DSE: variants seen among roughly 807,000 people sequenced by gnomAD.
The protein encoded by DSE is dermatan-sulfate epimerase.
In DSE, 36 loss-of-function variants were observed where a neutral mutation model predicts 84.4. The observed-to-expected ratio is 0.43, with a 90% CI of 0.33 to 0.56. The LOEUF (loss-of-function observed/expected upper bound fraction) is 0.56. DSE is among the 20% of genes least tolerant of loss of function. DSE has a pLI of 0.06. For synonymous variants in DSE, 410 were observed against 430.1 expected, an observed-to-expected ratio of 0.95 and a Z score of 0.58; for missense variants, 862 against 1,169.6, an observed-to-expected ratio of 0.74 and a Z score of 3.84.
At chr6:116,279,948 G>T in intron 2 of DSE, 1 of 1,468,106 alleles carries the variant, frequency 6.8e-7, no homozygotes, top group Non-Finnish European at 9.5e-7. Flanking sequence ...CAGCGGCGGT[G>T]TCGTCAGGAC....
intron 2 of DSE, among the ~76,000 whole-genome samples, chr6:116,409,327 A>G (rs1782151505): frequency 6.6e-6 from 1 of 152,044 alleles, no homozygotes; most frequent in Admixed American, 6.5e-5. Context: ...CCCAGGCTGG[A>G]GTGCAGTGGT....
intron 2 of DSE, among the ~76,000 whole-genome samples, chr6:116,314,761 T>C (rs1775871646): frequency 6.6e-6 from 1 of 152,222 alleles, no homozygotes; most frequent in South Asian, 2.1e-4. Flanking sequence ...TTATTCATGA[T>C]ATAAGTGGAG....
At chr6:116,385,509 T>G (rs1583145838) in intron 1 of DSE, among the ~76,000 whole-genome samples, 1 of 144,254 alleles carries the variant, frequency 6.9e-6, no homozygotes, top group African/African-American at 2.6e-5. Flanking sequence ...ATATGGAGAG[T>G]GAAATAGGGA....
chr6:116,339,954 A>G (rs148744313), intron 2 of DSE, among the ~76,000 whole-genome samples: 302 of 152,324 alleles, frequency 2.0e-3, no homozygotes, highest in African/African-American at 7.0e-3. Context: ...TGGAATTTCT[A>G]TATGCGAGTG....
chr6:116,414,210 A>G (rs564623944), intron 2 of DSE, among the ~76,000 whole-genome samples: 1 of 152,324 alleles, frequency 6.6e-6, no homozygotes, highest in East Asian at 1.9e-4. Context: ...AATAGGCTTC[A>G]TTCCTTCTGG....
chr6:116,342,034 T>C (rs1777626956), intron 2 of DSE, among the ~76,000 whole-genome samples: 1 of 152,182 alleles, frequency 6.6e-6, no homozygotes, highest in Non-Finnish European at 1.5e-5. Context: ...GTTATTTGAA[T>C]GAAATAGAGT....
chr6:116,266,995 G>A (rs541489113), intron 2 of DSE, among the ~76,000 whole-genome samples: 1 of 152,296 alleles, frequency 6.6e-6, no homozygotes, highest in Non-Finnish European at 1.5e-5. Context: ...GAGTAATGCT[G>A]TAGCCCTCAT....
intron 2 of DSE, among the ~76,000 whole-genome samples, chr6:116,259,560 G>A (rs771106297): frequency 5.3e-5 from 8 of 152,114 alleles, no homozygotes; most frequent in South Asian, 2.1e-4. Context: ...ATAGGTAAAC[G>A]TGTCACTGGG....
Position 116,436,527 on chromosome 6 carries a change from A to C in DSE, c.2059A>C (p.Ile687Leu). 6.2e-7 allele frequency: 1 copy of C among 1,614,174 alleles called. No homozygotes were observed. The highest frequency in any genetic ancestry group is 8.5e-7 in the Non-Finnish European group (1 of 1,179,994). ...HGDSQQLDVF[I>L]ATSKHAYATY... ...AGACTCTCAGCAACTGGATGTGTTC[A>C]TAGCCACCAGCAAACATGCCTACGC... The change falls in exon 6 of 6, where the codon ATA becomes CTA. Residue 687 changes from isoleucine (I) to leucine (L), a missense_variant. Transcript: ENST00000644252.
intron 1 of DSE, among the ~76,000 whole-genome samples, chr6:116,397,883 G>T (rs1781358941): frequency 6.6e-6 from 1 of 152,116 alleles, no homozygotes; most frequent in Non-Finnish European, 1.5e-5. Context: ...TCCAGAATAA[G>T]GTAGCACCCT....
At chr6:116,332,451 AAATT>A (rs914657825) in intron 2 of DSE, among the ~76,000 whole-genome samples, 1 of 152,090 alleles carries the variant, frequency 6.6e-6, no homozygotes, top group African/African-American at 2.4e-5. Context: ...TATGAAAAAA[AAATT>A]AAGAGAAACA....
intron 2 of DSE, among the ~76,000 whole-genome samples, chr6:116,421,552 G>A (rs1404117925): frequency 1.4e-5 from 2 of 138,822 alleles, no homozygotes; most frequent in Non-Finnish European, 3.0e-5. Flanking sequence ...ATAGCTCACT[G>A]CAGCTTTGAA....
At chr6:116,356,735 C>T (rs577445838) in intron 2 of DSE, among the ~76,000 whole-genome samples, 1 of 152,258 alleles carries the variant, frequency 6.6e-6, no homozygotes, top group Admixed American at 6.5e-5. Flanking sequence ...CCGAATCCCA[C>T]AACTCTGGAT....
At chr6:116,279,499 G>A (rs1448665401) in intron 2 of DSE, 28 of 1,610,758 alleles carry the variant, frequency 1.7e-5, no homozygotes, top group Non-Finnish European at 2.2e-5. Context: ...CACCACAGAA[G>A]CGGCTGCCAG....
At chr6:116,384,187 G>C (rs1211317819) in intron 1 of DSE, among the ~76,000 whole-genome samples, 5 of 152,182 alleles carry the variant, frequency 3.3e-5, no homozygotes, top group Non-Finnish European at 7.4e-5. Flanking sequence ...AGTCAGCACA[G>C]AAACAGTCAT....
intron 2 of DSE, among the ~76,000 whole-genome samples, chr6:116,275,681 T>C (rs1582921894): frequency 6.6e-6 from 1 of 151,736 alleles, no homozygotes; most frequent in African/African-American, 2.4e-5. Flanking sequence ...GTGCCTGTAG[T>C]CCCAGCTACT....
chr6:116,311,909 C>G (rs1165487098), intron 2 of DSE, among the ~76,000 whole-genome samples: 1 of 152,136 alleles, frequency 6.6e-6, no homozygotes, highest in Non-Finnish European at 1.5e-5. Context: ...ACTTGACAGT[C>G]TTATTTGCCG....
intron 2 of DSE, among the ~76,000 whole-genome samples, chr6:116,288,927 C>T (rs966196702): frequency 6.6e-6 from 1 of 152,018 alleles, no homozygotes; most frequent in African/African-American, 2.4e-5. Flanking sequence ...ATACTAGCAG[C>T]ATTTTTGAGC....
chr6:116,312,883 G>A (rs899362047), intron 2 of DSE, among the ~76,000 whole-genome samples: 1 of 152,048 alleles, frequency 6.6e-6, no homozygotes, highest in African/African-American at 2.4e-5. Context: ...AATGTAATTT[G>A]GGATGGTGAT....
Sources: gnomAD v4.1 joint callset for allele counts (sites outside exome capture counted in the v4.1 genomes callset) on GRCh38, gnomAD v4.1.1 for gene constraint, MANE v1.5 for transcripts, NCBI Gene and HGNC (gene_info 2026-07-23, HGNC 2026-07-21) for gene names.